The following TMTC2 variants were observed in gnomAD, a reference collection of about 807,000 sequenced individuals.
The protein encoded by TMTC2 is protein O-mannosyl-transferase TMTC2.
TMTC2 carries 43 observed loss-of-function variants against 82.4 expected under a neutral mutation model. That is an observed-to-expected ratio of 0.52 (90% confidence interval 0.41 to 0.67). The LOEUF (loss-of-function observed/expected upper bound fraction) is 0.67, where lower values mean the gene tolerates loss of function less well. TMTC2 is among the 30% of genes least tolerant of loss of function. The pLI, the probability that TMTC2 is intolerant of heterozygous loss-of-function variation, is 0.00. For missense variants in TMTC2, 919 were observed against 1,012.4 expected (o/e 0.91, Z 1.25); for synonymous variants, 408 against 381.9 (o/e 1.07, Z -0.80).
In TMTC2 at chr12:82,857,333, T is replaced by A. The variant is rs755586008; in HGVS notation, c.407T>A (p.Ile136Asn). ...HPIHTEAVAG[I>N]VGRADVGASL... is the part of the protein sequence containing the mutation. ...ATTCACACGGAGGCAGTGGCAGGAA[T>A]CGTGGGACGAGCCGATGTCGGGGCC... The change falls in exon 2 of 12, where the codon ATC becomes AAC. Residue 136 changes from isoleucine (I) to asparagine (N), a missense_variant. Coordinates refer to ENST00000321196, the MANE Select transcript of TMTC2 (RefSeq NM_152588.3). 1 of 1,613,908 alleles carries A rather than the reference T, an allele frequency of 6.2e-7. No homozygotes were observed. Among genetic ancestry groups the A allele is most frequent in the Admixed American group, 1.7e-5 (1 of 60,024 alleles).
At chr12:82,836,264 C>T (rs1870035392) in intron 1 of TMTC2, among the ~76,000 whole-genome samples, 1 of 152,162 alleles carries the variant, frequency 6.6e-6, no homozygotes. Context: ...CATCCTTATC[C>T]TCAGCACCTG....
chr12:83,067,481 G>A (rs1197650758), intron 11 of TMTC2, among the ~76,000 whole-genome samples: 3 of 151,946 alleles, frequency 2.0e-5, no homozygotes, highest in Non-Finnish European at 2.9e-5. Context: ...ATATTTAAGG[G>A]TTGCTTCCTC....
intron 8 of TMTC2, among the ~76,000 whole-genome samples, chr12:83,012,468 A>T (rs1880503692): frequency 6.6e-6 from 1 of 152,132 alleles, no homozygotes; most frequent in Admixed American, 6.5e-5. Context: ...TTAAGAAGGG[A>T]TTGAAGGCTG....
intron 11 of TMTC2, among the ~76,000 whole-genome samples, chr12:83,115,432 T>C (rs1884721074): frequency 6.6e-6 from 1 of 152,328 alleles, no homozygotes; most frequent in South Asian, 2.1e-4. Flanking sequence ...CATATTCTTT[T>C]CTAAATTTCT....
intron 1 of TMTC2, among the ~76,000 whole-genome samples, chr12:82,785,499 G>A (rs548978445): frequency 6.6e-6 from 1 of 151,814 alleles, no homozygotes; most frequent in Non-Finnish European, 1.5e-5. Flanking sequence ...TTACCAAGTT[G>A]CTGGCAGTAA....
intron 3 of TMTC2, among the ~76,000 whole-genome samples, chr12:82,913,916 C>T (rs1003339034): frequency 6.6e-6 from 1 of 152,080 alleles, no homozygotes; most frequent in Non-Finnish European, 1.5e-5. Context: ...AAAGTCAGTA[C>T]TCTTTATACG....
chr12:83,015,772 G>A (rs936156687), intron 8 of TMTC2, among the ~76,000 whole-genome samples: 3 of 152,196 alleles, frequency 2.0e-5, no homozygotes, highest in African/African-American at 2.4e-5. Flanking sequence ...ACATGTGTGT[G>A]CTTCCACTAG....
chr12:82,730,033 A>G (rs1874696596), intron 1 of TMTC2, among the ~76,000 whole-genome samples: 1 of 152,118 alleles, frequency 6.6e-6, no homozygotes, highest in Non-Finnish European at 1.5e-5. Context: ...AGCTCCGAAC[A>G]TATCTGAACA....
intron 2 of TMTC2, among the ~76,000 whole-genome samples, chr12:82,866,558 A>C (rs767776912): frequency 6.6e-6 from 1 of 152,114 alleles, no homozygotes; most frequent in Non-Finnish European, 1.5e-5. Flanking sequence ...TTCTCATAAC[A>C]CTGTGTCTGG....
chr12:82,787,938 A>T (rs576806316), intron 1 of TMTC2, among the ~76,000 whole-genome samples: 4 of 152,068 alleles, frequency 2.6e-5, no homozygotes, highest in South Asian at 2.1e-4. Context: ...TAATAATTTT[A>T]AAAAAGTAAA....
Position 82,870,830 on chromosome 12 carries a change from A to C in TMTC2, c.654+13250A>C, listed in dbSNP as rs1872136942. Among the ~76,000 whole-genome samples, 3 of 152,196 alleles carry C rather than the reference A, an allele frequency of 2.0e-5. No homozygotes were observed. In the South Asian group the frequency reaches 6.2e-4, roughly 32 times the overall value. On this transcript the variant is annotated intron_variant, in intron 2 of 11. Coordinates refer to ENST00000321196, the MANE Select transcript of TMTC2 (RefSeq NM_152588.3). ...GAGGTAAAATAGCAAGAAAGGAGAA[A>C]ATGTGGGGATGCCAATTGAAAAATG...
In TMTC2 at chr12:83,120,924, C is replaced by G. The variant is rs144964998; in HGVS notation, c.2332-11286C>G. On this transcript the variant is annotated intron_variant, in intron 11 of 11. Coordinates refer to ENST00000321196, the MANE Select transcript of TMTC2 (RefSeq NM_152588.3). The stretch of plus-strand genomic sequence containing the variant: ...TTGTCTTCGAGCTCTGAATTTCTTT[C>G]TTCTACTTGTTCAGTTCTATTGCTG... Among the ~76,000 whole-genome samples the G allele has an allele frequency of 2.9e-4, 44 of 152,206 alleles. No homozygotes were observed. The East Asian group carries it at 8.1e-3, about 28-fold the overall frequency.
At chr12:83,104,513 A>AG (rs1884333258) in intron 11 of TMTC2, among the ~76,000 whole-genome samples, 1 of 152,154 alleles carries the variant, frequency 6.6e-6, no homozygotes, top group Admixed American at 6.5e-5. Flanking sequence ...CAAAACTTAC[A>AG]GCTTGCATTT....
intron 1 of TMTC2, among the ~76,000 whole-genome samples, chr12:82,768,087 A>T (rs1444038021): frequency 6.6e-6 from 1 of 152,212 alleles, no homozygotes; most frequent in Non-Finnish European, 1.5e-5. Flanking sequence ...GTCCTACAGG[A>T]TAGCCAGGGG....
At chr12:82,762,453 A>G (rs531452590) in intron 1 of TMTC2, among the ~76,000 whole-genome samples, 9 of 152,148 alleles carry the variant, frequency 5.9e-5, no homozygotes, top group Non-Finnish European at 1.3e-4. Flanking sequence ...TTGCCACCAA[A>G]CAATTCTCTT....
chr12:82,903,581 T>G (rs937225307), intron 3 of TMTC2, among the ~76,000 whole-genome samples: 93 of 151,986 alleles, frequency 6.1e-4, no homozygotes, highest in Non-Finnish European at 1.2e-3. Flanking sequence ...CCAGCTAATT[T>G]TTTTTGTATT....
At chr12:83,032,651 T>C (rs1327306009) in intron 9 of TMTC2, among the ~76,000 whole-genome samples, 2 of 152,162 alleles carry the variant, frequency 1.3e-5, no homozygotes, top group Non-Finnish European at 2.9e-5. Flanking sequence ...TTCAAGCGAT[T>C]GTCCTGCCTC....
At chr12:83,104,129 G>C (rs951472921) in intron 11 of TMTC2, among the ~76,000 whole-genome samples, 1 of 152,222 alleles carries the variant, frequency 6.6e-6, no homozygotes, top group Non-Finnish European at 1.5e-5. Flanking sequence ...GCCTTGTGCA[G>C]CTCTGCCCCT....
chr12:83,038,230 A>G (rs937153611), intron 9 of TMTC2, among the ~76,000 whole-genome samples: 2 of 151,996 alleles, frequency 1.3e-5, no homozygotes, highest in Admixed American at 1.3e-4. Context: ...TGGCACATGT[A>G]TACGTATGTA....
Sources: allele counts gnomAD v4.1 joint callset (sites outside exome capture counted in the v4.1 genomes callset), GRCh38; gene constraint gnomAD v4.1.1; transcripts MANE v1.5; gene names NCBI Gene and HGNC (gene_info 2026-07-23, HGNC 2026-07-21).